The following VPS13A variants were observed in gnomAD, a reference collection of about 807,000 sequenced individuals.
The protein encoded by VPS13A is intermembrane lipid transfer protein VPS13A.
A neutral mutation model predicts 390.9 loss-of-function variants in VPS13A; 264 were observed. That is an observed-to-expected ratio of 0.68 (90% CI 0.61 to 0.75). The LOEUF is 0.75. Ranked by LOEUF, VPS13A falls within the 30% of genes least tolerant of loss-of-function variation. VPS13A has a pLI of 0.00. For missense variants in VPS13A, 3,409 were observed against 3,733.9 expected, an observed-to-expected ratio of 0.91 and a Z score of 2.27; for synonymous variants, 1,231 against 1,227.1, an observed-to-expected ratio of 1.00 and a Z score of -0.07.
At chr9:77,223,001 C>T (rs549129272) in intron 13 of VPS13A, among the ~76,000 whole-genome samples, 34 of 152,150 alleles carry the variant, frequency 2.2e-4, no homozygotes, top group Non-Finnish European at 4.0e-4. Context: ...GTTTCTGTAC[C>T]TCACTTCCAT....
chr9:77,296,592 C>G (rs1828017446), intron 33 of VPS13A, among the ~76,000 whole-genome samples: 1 of 152,260 alleles, frequency 6.6e-6, no homozygotes, highest in Admixed American at 6.5e-5. Context: ...GTCTTTCCCT[C>G]CTGTGCTTTC....
chr9:77,304,771 T>G (rs1220690989), intron 34 of VPS13A, among the ~76,000 whole-genome samples: 1 of 152,184 alleles, frequency 6.6e-6, no homozygotes, highest in Non-Finnish European at 1.5e-5. Context: ...AAGTCAAAAG[T>G]GTGTCATAGG....
intron 23 of VPS13A, among the ~76,000 whole-genome samples, chr9:77,263,513 T>C (rs1329197868): frequency 6.6e-6 from 1 of 152,202 alleles, no homozygotes; most frequent in Non-Finnish European, 1.5e-5. Flanking sequence ...GAGCTTTTTT[T>C]CATATGTTTG....
intron 68 of VPS13A, chr9:77,385,217 C>A: frequency 1.1e-6 from 1 of 872,672 alleles, no homozygotes; most frequent in Non-Finnish European, 1.4e-6. Flanking sequence ...TGTTCTATCC[C>A]CAAATCATAT....
chr9:77,359,703 A>T (rs1245884112), intron 58 of VPS13A, among the ~76,000 whole-genome samples: 1 of 151,826 alleles, frequency 6.6e-6, no homozygotes, highest in Non-Finnish European at 1.5e-5. Flanking sequence ...CCAGAGTCCC[A>T]ACTACTCAGG....
In VPS13A at chr9:77,341,691, C is replaced by CTTTTTTTTTTTTTTTTTTTT. The variant is rs57841628; in HGVS notation, c.7026+1151_7026+1170dup. Reference sequence around the variant, plus strand: ...AGTAAGTTCTACATGGACATCTTTCCTTTTTTTTTTTTTTTTTTTTTTTTT... The same window carrying CTTTTTTTTTTTTTTTTTTTT: ...AGTAAGTTCTACATGGACATCTTTCCTTTTTTTTTTTTTTTTTTTTTTTTTTTTTTTTTTTTTTTTTTTTT... On this transcript the variant is annotated intron_variant, in intron 50 of 71. Coordinates refer to ENST00000360280, the MANE Select transcript of VPS13A (RefSeq NM_033305.3). Among the ~76,000 whole-genome samples, 55 of 37,838 alleles carry CTTTTTTTTTTTTTTTTTTTT rather than the reference C, an allele frequency of 1.5e-3. 12 individuals carry two copies. The highest frequency in any genetic ancestry group is 1.5e-3 in the African/African-American group (14 of 9,306). 24.8% of individuals were successfully genotyped at this position (37,838 alleles called of 152,430 possible).
chr9:77,270,498 C>T (rs1826285034), intron 23 of VPS13A, among the ~76,000 whole-genome samples: 1 of 152,110 alleles, frequency 6.6e-6, no homozygotes, highest in South Asian at 2.1e-4. Context: ...CAAGACCAGC[C>T]TGGCCAACAC....
intron 52 of VPS13A, among the ~76,000 whole-genome samples, chr9:77,349,050 T>C (rs375112139): frequency 6.6e-6 from 1 of 152,156 alleles, no homozygotes; most frequent in African/African-American, 2.4e-5. Flanking sequence ...TAAAAAAATA[T>C]GGATGTTATT....
Position 77,416,386 on chromosome 9 carries a change from A to C in VPS13A, c.*380A>C. 4.6e-6 allele frequency: 1 copy of C among 217,906 alleles called. No individual in the cohort carries two copies. Among genetic ancestry groups the C allele is most frequent in the Non-Finnish European group, 9.3e-6 (1 of 107,234 alleles). The allele number at this position is 217,906 out of a possible 1,614,324, so 13.5% of individuals were successfully genotyped here. ...ACATGGAGCCAAGTTTAATGTTTCT[A>C]GTTCACATTTTGTACTTCTGTCATG... On this transcript the variant is annotated 3_prime_UTR_variant, in exon 72 of 72. Transcript: ENST00000360280.
At chr9:77,233,322 G>A (rs1823946119) in intron 17 of VPS13A, among the ~76,000 whole-genome samples, 1 of 151,160 alleles carries the variant, frequency 6.6e-6, no homozygotes, top group South Asian at 2.1e-4. Flanking sequence ...GTAAAGGTTT[G>A]TTAAATATGT....
intron 14 of VPS13A, 67 bp from the exon 15 acceptor site, chr9:77,226,399 C>T (rs1823517233): frequency 3.5e-6 from 5 of 1,429,240 alleles, no homozygotes; most frequent in Admixed American, 1.7e-5. Flanking sequence ...GAATGTCTTG[C>T]TTATATTTGT....
At chr9:77,237,439 A>T (rs1015376049) in intron 17 of VPS13A, among the ~76,000 whole-genome samples, 1 of 150,730 alleles carries the variant, frequency 6.6e-6, no homozygotes, top group East Asian at 2.0e-4. Context: ...ATCTCGGCTC[A>T]CTGCAACCTC....
At chr9:77,389,979 A>G (rs1294745737) in intron 68 of VPS13A, 2 of 576,614 alleles carry the variant, frequency 3.5e-6, no homozygotes, top group East Asian at 2.9e-4. Flanking sequence ...ATTAGCTTCA[A>G]ACACTGCCTT....
chr9:77,336,120 G>A (rs915754164), intron 46 of VPS13A, among the ~76,000 whole-genome samples: 12 of 152,062 alleles, frequency 7.9e-5, no homozygotes, highest in Non-Finnish European at 1.3e-4. Context: ...ACCAAACACC[G>A]CATGTTCTCA....
intron 19 of VPS13A, among the ~76,000 whole-genome samples, chr9:77,242,847 G>A (rs1437537514): frequency 6.6e-6 from 1 of 151,880 alleles, no homozygotes; most frequent in Non-Finnish European, 1.5e-5. Flanking sequence ...GTTTTAGAAA[G>A]TGGAAGTCTT....
At chr9:77,204,781 C>G (rs566439822) in intron 3 of VPS13A, among the ~76,000 whole-genome samples, 1 of 151,990 alleles carries the variant, frequency 6.6e-6, no homozygotes. Context: ...CATACTGTCA[C>G]GCCTGGCTAA....
chr9:77,365,005 A>C (rs939877553), intron 59 of VPS13A, among the ~76,000 whole-genome samples: 3 of 152,230 alleles, frequency 2.0e-5, no homozygotes, highest in African/African-American at 4.8e-5. Context: ...GATGAATATC[A>C]AGAATGAAAC....
intron 68 of VPS13A, among the ~76,000 whole-genome samples, chr9:77,394,168 G>A (rs1834023310): frequency 1.3e-5 from 2 of 151,496 alleles, no homozygotes; most frequent in South Asian, 4.2e-4. Context: ...AGGCTTAGTT[G>A]ATTCTCCCAC....
intron 33 of VPS13A, among the ~76,000 whole-genome samples, chr9:77,300,719 G>C (rs1828292603): frequency 1.3e-5 from 2 of 152,192 alleles, no homozygotes; most frequent in South Asian, 4.1e-4. Context: ...ATGACAAAAT[G>C]AGACTGTCTC....
Sources: allele counts gnomAD v4.1 joint callset (sites outside exome capture counted in the v4.1 genomes callset), GRCh38; gene constraint gnomAD v4.1.1; transcripts MANE v1.5; gene names NCBI Gene and HGNC (gene_info 2026-07-23, HGNC 2026-07-21).